Variants in UPRT observed in about 807,000 individuals in gnomAD.
The protein encoded by UPRT is RP11-311P8.3.
In UPRT, 5 loss-of-function variants were observed where a neutral mutation model predicts 22.6. That is an observed-to-expected ratio of 0.22 (90% confidence interval 0.12 to 0.47). The LOEUF (loss-of-function observed/expected upper bound fraction) is 0.47, where lower values mean the gene tolerates loss of function less well. Ranked by LOEUF, UPRT falls within the 20% of genes least tolerant of loss-of-function variation. UPRT has a pLI of 0.99. For synonymous variants in UPRT, 77 were observed against 87.7 expected, an observed-to-expected ratio of 0.88 and a Z score of 0.68; for missense variants, 181 against 239.9, an observed-to-expected ratio of 0.75 and a Z score of 1.62.
chrX:75,287,759 G>T (rs989894661), intron 1 of UPRT, among the ~76,000 whole-genome samples: 1 of 111,128 alleles, frequency 9.0e-6, no homozygotes, highest in Non-Finnish European at 1.9e-5. Context: ...GTCACACCTA[G>T]AGGAACTAGA....
In UPRT at chrX:75,293,529, T is replaced by C. The variant is rs376570899; in HGVS notation, c.429+15T>C. 5 of 1,188,479 alleles carry C rather than the reference T, an allele frequency of 4.2e-6. No individual in the cohort carries two copies. Among genetic ancestry groups the C allele is most frequent in the Non-Finnish European group, 3.4e-6 (3 of 886,629 alleles). On this transcript the variant is annotated intron_variant, in intron 2 of 6. Coordinates refer to ENST00000373383, the MANE Select transcript of UPRT (RefSeq NM_145052.4). Reference sequence around the variant, plus strand: ...CGGATCGTTTGGTAGGTGGGGGCTTTTCATTTTCATTTCATTGTTTTGCCT... The same window carrying C: ...CGGATCGTTTGGTAGGTGGGGGCTTCTCATTTTCATTTCATTGTTTTGCCT...
At chrX:75,188,152 T>C (rs2082301347) in intron 4 of UPRT, among the ~76,000 whole-genome samples, 1 of 111,838 alleles carries the variant, frequency 8.9e-6, no homozygotes, top group Admixed American at 9.5e-5. Context: ...ATCTTTGTGG[T>C]TTTTATCTAC....
In UPRT at chrX:75,303,977, G is replaced by C. The variant is rs1602501089; in HGVS notation, c.*466G>C. Reference sequence around the variant, plus strand: ...TGATACTGGACATGCTAGTAACTTGGAGAGGAGAATAAAAGAATGTCTCCT... The same window carrying C: ...TGATACTGGACATGCTAGTAACTTGCAGAGGAGAATAAAAGAATGTCTCCT... On this transcript the variant is annotated 3_prime_UTR_variant, in exon 7 of 7. Transcript: ENST00000373383. The C allele has an allele frequency of 8.8e-6, 1 of 113,333 alleles. No homozygotes were observed. Among genetic ancestry groups the C allele is most frequent in the Non-Finnish European group, 1.8e-5 (1 of 54,288 alleles). The allele number at this position is 113,333 out of a possible 1,213,427, so 9.3% of individuals were successfully genotyped here. A position where few individuals can be genotyped will look rare whatever the true frequency, so the allele number is the denominator to read the frequency against.
chrX:75,294,728 A>G, intron 2 of UPRT: 1 of 437,844 alleles, frequency 2.3e-6, no homozygotes, highest in Non-Finnish European at 3.1e-6. Context: ...ACATTCCTGG[A>G]GCAATAGTTA....
At chrX:75,192,169 C>G (rs751862244) in intron 4 of UPRT, among the ~76,000 whole-genome samples, 6 of 111,794 alleles carry the variant, frequency 5.4e-5, no homozygotes, top group Non-Finnish European at 7.5e-5. Flanking sequence ...TTGTATTTTT[C>G]TTATCAGTTT....
chrX:75,300,108 C>T (rs771585199), intron 5 of UPRT, among the ~76,000 whole-genome samples: 2 of 112,158 alleles, frequency 1.8e-5, no homozygotes, highest in African/African-American at 3.2e-5. Context: ...AACAAACTTC[C>T]GTCTTGAACA....
chrX:75,156,896 GTC>G (rs766688377), intron 1 of UPRT, among the ~76,000 whole-genome samples: 6 of 49,294 alleles, frequency 1.2e-4, no homozygotes, highest in Non-Finnish European at 3.0e-4. Context: ...TCGTGGGACA[GTC>G]TCACACACAC....
At chrX:75,193,931 T>C (rs777974257) in intron 4 of UPRT, among the ~76,000 whole-genome samples, 1 of 111,966 alleles carries the variant, frequency 8.9e-6, no homozygotes, top group South Asian at 3.7e-4. Context: ...TTTGTTACTG[T>C]CCATATTCTG....
chrX:75,192,078 G>A (rs900324183), intron 4 of UPRT, among the ~76,000 whole-genome samples: 1 of 111,649 alleles, frequency 9.0e-6, no homozygotes, highest in Non-Finnish European at 1.9e-5. Context: ...GACTGGGGTT[G>A]TTCCTATTCG....
intron 4 of UPRT, among the ~76,000 whole-genome samples, chrX:75,196,194 C>T (rs2082332123): frequency 8.9e-6 from 1 of 111,978 alleles, no homozygotes; most frequent in Non-Finnish European, 1.9e-5. Context: ...AAGAGACAGT[C>T]TCACTCTGTT....
intron 4 of UPRT, among the ~76,000 whole-genome samples, chrX:75,265,791 T>TCCC (rs2147673863): frequency 9.0e-6 from 1 of 111,281 alleles, no homozygotes; most frequent in Non-Finnish European, 1.9e-5. Context: ...CTGCTGTTTT[T>TCCC]CCCCCATCTT....
chrX:75,221,803 T>G (rs1376085832), intron 4 of UPRT, among the ~76,000 whole-genome samples: 1 of 112,078 alleles, frequency 8.9e-6, no homozygotes, highest in Non-Finnish European at 1.9e-5. Context: ...TTTCTCTCTC[T>G]GGGATTGATG....
intron 2 of UPRT, among the ~76,000 whole-genome samples, chrX:75,161,644 C>A (rs1372106468): frequency 9.0e-6 from 1 of 111,705 alleles, no homozygotes; most frequent in East Asian, 2.8e-4. Context: ...ATCATATAAT[C>A]CTCTCCAATA....
chrX:75,248,772 T>G (rs1480923195), intron 4 of UPRT, among the ~76,000 whole-genome samples: 1 of 111,212 alleles, frequency 9.0e-6, no homozygotes, highest in Non-Finnish European at 1.9e-5. Context: ...TTCACCAAAG[T>G]TGAAATGAAT....
At position 75,193,896 on chromosome X, in the gene UPRT, C is replaced by T. The variant is rs1471131412; in HGVS notation, c.-447+26017C>T. Among the ~76,000 whole-genome samples the T allele has an allele frequency of 1.8e-4, 20 of 111,674 alleles. No homozygotes were observed. In the Admixed American group the frequency reaches 1.9e-3, roughly 11 times the overall value. ...CTAGATTCCTTGGATTAGGTTTTGA[C>T]TTTCTCTCCTGTATGTCAATGATCT... On this transcript the variant is annotated intron_variant, in intron 4 of 13. Transcript: ENST00000652605.
At chrX:75,294,292 T>C (rs916838416) in intron 2 of UPRT, among the ~76,000 whole-genome samples, 2 of 111,024 alleles carry the variant, frequency 1.8e-5, no homozygotes, top group Non-Finnish European at 3.8e-5. Context: ...TGAAGTTTAG[T>C]GTATATTTCA....
chrX:75,226,458 C>A (rs1295297755), intron 4 of UPRT, among the ~76,000 whole-genome samples: 2 of 111,975 alleles, frequency 1.8e-5, no homozygotes, highest in Non-Finnish European at 3.8e-5. Flanking sequence ...TCTTTCCACT[C>A]CATACCCAGT....
At chrX:75,255,747 G>C (rs1247664909) in intron 4 of UPRT, among the ~76,000 whole-genome samples, 1 of 111,976 alleles carries the variant, frequency 8.9e-6, no homozygotes, top group African/African-American at 3.2e-5. Flanking sequence ...GAAAGCAACA[G>C]CAGTTAATAA....
intron 3 of UPRT, among the ~76,000 whole-genome samples, chrX:75,165,771 C>T (rs1256592466): frequency 9.0e-6 from 1 of 110,750 alleles, no homozygotes; most frequent in Non-Finnish European, 1.9e-5. Context: ...TAAATTTTTT[C>T]TTTTTTAAAA....
Sources: allele counts gnomAD v4.1 joint callset (sites outside exome capture counted in the v4.1 genomes callset), GRCh38; gene constraint gnomAD v4.1.1; transcripts MANE v1.5; gene names NCBI Gene and HGNC (gene_info 2026-07-23, HGNC 2026-07-21).